The following ATP8A2 variants were observed in gnomAD, a reference collection of about 807,000 sequenced individuals.
The protein encoded by ATP8A2 is ATPase phospholipid transporting 8A2, also known as phospholipid-transporting ATPase IB.
ATP8A2 carries 100 observed loss-of-function variants against 165.6 expected under a neutral mutation model. The ratio of observed to expected loss-of-function variants is 0.60; its 90% CI spans 0.51 to 0.71. The LOEUF (loss-of-function observed/expected upper bound fraction) is 0.71. ATP8A2 is among the 30% of genes least tolerant of loss of function. The pLI, the probability that ATP8A2 is intolerant of heterozygous loss-of-function variation, is 0.00. For missense variants in ATP8A2, 1,227 were observed against 1,479.5 expected, an observed-to-expected ratio of 0.83 and a Z score of 2.80; for synonymous variants, 543 against 548.8, an observed-to-expected ratio of 0.99 and a Z score of 0.15.
chr13:25,719,882 T>G (rs953285730), intron 25 of ATP8A2, among the ~76,000 whole-genome samples: 3 of 152,096 alleles, frequency 2.0e-5, no homozygotes, highest in African/African-American at 7.2e-5. Flanking sequence ...CTGTAGCCCA[T>G]GCTTGGAGGC....
chr13:26,024,925 G>A lies in ATP8A2; in HGVS notation c.*4940G>A, dbSNP rs766716715. ...CCAAATAACCCTGCCCAGGAAACTT[G>A]GGGGTCAAGAGAGCTTATCAAGAGC... On this transcript the variant is annotated 3_prime_UTR_variant, in exon 37 of 37. Transcript: ENST00000381655. 10 of 152,082 alleles carry A rather than the reference G, an allele frequency of 6.6e-5. No individual in the cohort carries two copies. The highest frequency in any genetic ancestry group is 1.3e-4 in the Non-Finnish European group (9 of 68,012). 9.4% of individuals were successfully genotyped at this position (152,082 alleles called of 1,614,324 possible).
At chr13:25,789,934 C>A (rs887608244) in intron 27 of ATP8A2, among the ~76,000 whole-genome samples, 1 of 152,198 alleles carries the variant, frequency 6.6e-6, no homozygotes, top group African/African-American at 2.4e-5. Flanking sequence ...CACATACCTA[C>A]AACCATCTGA....
chr13:25,628,349 T>C (rs577490191), intron 24 of ATP8A2, among the ~76,000 whole-genome samples: 1 of 152,322 alleles, frequency 6.6e-6, no homozygotes, highest in East Asian at 1.9e-4. Context: ...TTAATCCTGC[T>C]GTATGTCCTG....
At chr13:25,678,002 T>G (rs17082642) in intron 24 of ATP8A2, among the ~76,000 whole-genome samples, 5,390 of 152,156 alleles carry the variant, frequency 0.035, 158 homozygotes, top group East Asian at 0.13. Flanking sequence ...AAGTCAAATT[T>G]TAATGATGGA....
chr13:25,396,971 C>T (rs896974376), intron 1 of ATP8A2, among the ~76,000 whole-genome samples: 3 of 152,166 alleles, frequency 2.0e-5, no homozygotes, highest in African/African-American at 7.2e-5. Flanking sequence ...ACCAGTCCCT[C>T]AGGGTTCAGG....
chr13:25,738,342 C>CT (rs1376396600), intron 25 of ATP8A2, among the ~76,000 whole-genome samples: 12 of 41,846 alleles, frequency 2.9e-4, no homozygotes, highest in African/African-American at 1.4e-3. Context: ...TGCCCCCCTC[C>CT]CCCCCCCCCA....
At chr13:25,575,075 C>G (rs532928960) in intron 19 of ATP8A2, among the ~76,000 whole-genome samples, 1 of 152,296 alleles carries the variant, frequency 6.6e-6, no homozygotes, top group Non-Finnish European at 1.5e-5. Flanking sequence ...GAGAAATGCT[C>G]TACTTCCATG....
At chr13:25,451,742 C>T (rs982964345) in intron 1 of ATP8A2, among the ~76,000 whole-genome samples, 13 of 152,046 alleles carry the variant, frequency 8.6e-5, no homozygotes, top group African/African-American at 2.9e-4. Context: ...AGTGAAAAGT[C>T]ACCCCAGACC....
intron 25 of ATP8A2, among the ~76,000 whole-genome samples, chr13:25,708,974 A>G (rs1327953242): frequency 6.6e-6 from 1 of 152,206 alleles, no homozygotes. Context: ...TTGCTGGGTC[A>G]GCAGAGTCTG....
intron 25 of ATP8A2, among the ~76,000 whole-genome samples, chr13:25,722,116 A>T (rs2138039062): frequency 6.6e-6 from 1 of 152,216 alleles, no homozygotes; most frequent in Non-Finnish European, 1.5e-5. Flanking sequence ...CTGGTATGTG[A>T]CTTTTTGATA....
chr13:25,594,063 A>T (rs1209431400), intron 24 of ATP8A2, among the ~76,000 whole-genome samples: 2 of 152,242 alleles, frequency 1.3e-5, no homozygotes, highest in Non-Finnish European at 2.9e-5. Flanking sequence ...TCCTAAATGT[A>T]TATGGTATCT....
At chr13:25,480,119 G>A (rs1348914002) in intron 2 of ATP8A2, among the ~76,000 whole-genome samples, 1 of 149,964 alleles carries the variant, frequency 6.7e-6, no homozygotes, top group Non-Finnish European at 1.5e-5. Flanking sequence ...CCGGGCGGGG[G>A]GCTGACCCCC....
At chr13:25,653,909 A>G (rs2041870646) in intron 24 of ATP8A2, among the ~76,000 whole-genome samples, 1 of 152,130 alleles carries the variant, frequency 6.6e-6, no homozygotes, top group Non-Finnish European at 1.5e-5. Flanking sequence ...ATTGGCATCA[A>G]TTAGGTGCTG....
chr13:25,512,796 T>A (rs1283875476), intron 2 of ATP8A2, among the ~76,000 whole-genome samples: 2 of 93,554 alleles, frequency 2.1e-5, no homozygotes, highest in South Asian at 4.2e-4. Flanking sequence ...GACCCCCCCA[T>A]CTCCCTCCCG....
chr13:25,610,410 G>T (rs969447245), intron 24 of ATP8A2, among the ~76,000 whole-genome samples: 32 of 151,892 alleles, frequency 2.1e-4, no homozygotes, highest in African/African-American at 7.7e-4. Context: ...GCTTTGTCGA[G>T]GATCAGTTGG....
intron 24 of ATP8A2, among the ~76,000 whole-genome samples, chr13:25,664,981 T>C (rs530334739): frequency 6.6e-6 from 1 of 150,848 alleles, no homozygotes. Flanking sequence ...AAAATAACTT[T>C]CTGTGGCATC....
intron 35 of ATP8A2, among the ~76,000 whole-genome samples, chr13:26,007,196 T>C (rs1427343583): frequency 2.0e-5 from 3 of 152,198 alleles, no homozygotes; most frequent in Non-Finnish European, 4.4e-5. Flanking sequence ...TATCCTTTCT[T>C]ACCCATTTCA....
intron 5 of ATP8A2, among the ~76,000 whole-genome samples, chr13:25,532,712 G>T (rs2038154237): frequency 6.6e-6 from 1 of 152,008 alleles, no homozygotes; most frequent in African/African-American, 2.4e-5. Context: ...TGTTGCCCAG[G>T]CTGGACTACA....
At chr13:25,517,165 A>G (rs1411514340) in intron 2 of ATP8A2, 1 of 151,192 alleles carries the variant, frequency 6.6e-6, no homozygotes. Context: ...TGATACAGAG[A>G]AGGTTAGGAT....
Sources: gnomAD v4.1 joint callset for allele counts (sites outside exome capture counted in the v4.1 genomes callset) on GRCh38, gnomAD v4.1.1 for gene constraint, MANE v1.5 for transcripts, NCBI Gene and HGNC (gene_info 2026-07-23, HGNC 2026-07-21) for gene names.